Variants in GRHL2 observed in about 807,000 individuals in gnomAD.
The protein encoded by GRHL2 is grainyhead like transcription factor 2, also known as grainyhead-like protein 2 homolog.
GRHL2 carries 21 observed loss-of-function variants against 83.8 expected under a neutral mutation model. That is an observed-to-expected ratio of 0.25 (90% CI 0.18 to 0.36). GRHL2 has a LOEUF of 0.36. Ranked by LOEUF, GRHL2 falls within the 10% of genes least tolerant of loss-of-function variation. The probability of loss-of-function intolerance (pLI) is 1.00; values close to 1 mark genes in which losing one functional copy is unlikely to be tolerated. For synonymous variants in GRHL2, 280 were observed against 278.9 expected, an observed-to-expected ratio of 1.00 and a Z score of -0.04; for missense variants, 623 against 781.8, an observed-to-expected ratio of 0.80 and a Z score of 2.42.
intron 1 of GRHL2, among the ~76,000 whole-genome samples, chr8:101,503,671 C>A (rs2129978607): frequency 6.6e-6 from 1 of 152,230 alleles, no homozygotes; most frequent in South Asian, 2.1e-4. Context: ...ATCAGTATAA[C>A]CCTAAAAGCC....
intron 14 of GRHL2, among the ~76,000 whole-genome samples, chr8:101,652,616 G>GTC (rs1244147969): frequency 3.5e-5 from 2 of 57,102 alleles, no homozygotes; most frequent in Admixed American, 1.9e-4. Flanking sequence ...TGTGTGTGGT[G>GTC]TGTGTGTGTG....
chr8:101,574,059 C>T (rs563273222), intron 6 of GRHL2, among the ~76,000 whole-genome samples: 9 of 152,294 alleles, frequency 5.9e-5, no homozygotes, highest in East Asian at 1.9e-4. Flanking sequence ...TGACTGTATC[C>T]GAGGAATTTT....
chr8:101,586,074 T>G (rs202033173), intron 7 of GRHL2, among the ~76,000 whole-genome samples: 1 of 109,986 alleles, frequency 9.1e-6, no homozygotes, highest in African/African-American at 3.6e-5. Context: ...TCTTTTTTTT[T>G]TTTTTTTTTT....
intron 1 of GRHL2, among the ~76,000 whole-genome samples, chr8:101,500,693 T>C (rs1810210473): frequency 6.6e-6 from 1 of 152,134 alleles, no homozygotes; most frequent in African/African-American, 2.4e-5. Context: ...GTATTTTTAG[T>C]AGAGACGGAG....
chr8:101,529,846 G>A (rs970031651), intron 1 of GRHL2, among the ~76,000 whole-genome samples: 2 of 152,166 alleles, frequency 1.3e-5, no homozygotes, highest in South Asian at 2.1e-4. Flanking sequence ...GATGCCTGGA[G>A]GGTCCTTTGT....
chr8:101,527,771 G>A (rs73701919), intron 1 of GRHL2, among the ~76,000 whole-genome samples: 1,614 of 152,150 alleles, frequency 0.011, 30 homozygotes, highest in African/African-American at 0.037. Context: ...ATCTTTTCAC[G>A]ACTAAACAGG....
At chr8:101,622,797 C>T (rs1316044068) in intron 9 of GRHL2, among the ~76,000 whole-genome samples, 8 of 152,200 alleles carry the variant, frequency 5.3e-5, no homozygotes, top group Admixed American at 2.6e-4. Context: ...CCGAGCAGTA[C>T]ACACTGCATG....
intron 7 of GRHL2, among the ~76,000 whole-genome samples, chr8:101,580,949 C>T (rs1037326555): frequency 3.3e-4 from 50 of 151,476 alleles, no homozygotes; most frequent in Non-Finnish European, 6.0e-4. Context: ...GTGATCTGCC[C>T]GTCTCAGCCT....
At chr8:101,589,650 T>C (rs773195187) in intron 7 of GRHL2, among the ~76,000 whole-genome samples, 3 of 152,184 alleles carry the variant, frequency 2.0e-5, no homozygotes, top group Non-Finnish European at 2.9e-5. Flanking sequence ...ATCAAGCACA[T>C]GTAAAATATT....
intron 6 of GRHL2, among the ~76,000 whole-genome samples, chr8:101,575,933 T>C (rs1811924566): frequency 6.6e-6 from 1 of 152,204 alleles, no homozygotes; most frequent in Non-Finnish European, 1.5e-5. Context: ...CGAAACGATA[T>C]GGATACATAT....
chr8:101,586,090 T>G (rs1290827735), intron 7 of GRHL2, among the ~76,000 whole-genome samples: 14 of 104,308 alleles, frequency 1.3e-4, no homozygotes, highest in Non-Finnish European at 2.1e-4. Flanking sequence ...TTTTTTTTTT[T>G]GAGACGGAGT....
chr8:101,670,232 T>G (rs1030607368), downstream of GRHL2, among the ~76,000 whole-genome samples: 1 of 152,190 alleles, frequency 6.6e-6, no homozygotes, highest in African/African-American at 2.4e-5. Context: ...CAGTATCTGC[T>G]GGGGTTTCCT....
rs112558697 is a variant in GRHL2 at position 101,667,673 on chromosome 8, G to C, written c.*970G>C. 6.6e-6 allele frequency: 1 copy of C among 152,388 alleles called. No homozygotes were observed. Among genetic ancestry groups the C allele is most frequent in the Non-Finnish European group, 1.5e-5 (1 of 68,058 alleles). The allele number at this position is 152,388 out of a possible 1,614,324, so 9.4% of individuals were successfully genotyped here. A position where few individuals can be genotyped will look rare whatever the true frequency, so the allele number is the denominator to read the frequency against. On this transcript the variant is annotated 3_prime_UTR_variant, in exon 16 of 16. Transcript: ENST00000646743. ...GTGTTTTGCTTGACTTTCCCTTTGC[G>C]CTGTCTCGTGGGAAAGGTCATTCTG...
chr8:101,623,872 C>A (rs1317231306), intron 9 of GRHL2, among the ~76,000 whole-genome samples: 1 of 116,166 alleles, frequency 8.6e-6, no homozygotes. Flanking sequence ...TAGGACAGTA[C>A]ACAGTAGGAC....
chr8:101,572,077 C>G (rs999901869), intron 5 of GRHL2, among the ~76,000 whole-genome samples: 1 of 152,176 alleles, frequency 6.6e-6, no homozygotes, highest in Non-Finnish European at 1.5e-5. Flanking sequence ...TTGATGGACA[C>G]AAATCCCTGA....
chr8:101,540,270 AT>A (rs1366165945), intron 1 of GRHL2, among the ~76,000 whole-genome samples: 2 of 152,162 alleles, frequency 1.3e-5, no homozygotes, highest in African/African-American at 4.8e-5. Flanking sequence ...TAGGCACTGA[AT>A]TATTTAAGAA....
chr8:101,509,807 A>G (rs1810427030), intron 1 of GRHL2, among the ~76,000 whole-genome samples: 1 of 152,114 alleles, frequency 6.6e-6, no homozygotes, highest in South Asian at 2.1e-4. Context: ...CATGTGATCC[A>G]AGCTATATCT....
At chr8:101,658,090 A>G (rs1487913216) in intron 14 of GRHL2, among the ~76,000 whole-genome samples, 1 of 152,186 alleles carries the variant, frequency 6.6e-6, no homozygotes, top group Non-Finnish European at 1.5e-5. Flanking sequence ...GGCAAAGCGC[A>G]TCTCCCTGAC....
chr8:101,610,882 A>C (rs952363747), intron 8 of GRHL2, among the ~76,000 whole-genome samples: 4 of 150,966 alleles, frequency 2.6e-5, no homozygotes, highest in African/African-American at 9.9e-5. Flanking sequence ...TCAGAAAGCC[A>C]ACATAACCGA....
Sources: allele counts gnomAD v4.1 joint callset (sites outside exome capture counted in the v4.1 genomes callset), GRCh38; gene constraint gnomAD v4.1.1; transcripts MANE v1.5; gene names NCBI Gene and HGNC (gene_info 2026-07-23, HGNC 2026-07-21).